GK: variants seen among roughly 807,000 people sequenced by gnomAD.
GK encodes glycerol kinase, also known as ATP:glycerol 3-phosphotransferase.
A neutral mutation model predicts 56.4 loss-of-function variants in GK; 9 were observed. The observed-to-expected ratio is 0.16, with a 90% CI of 0.10 to 0.28. The LOEUF (loss-of-function observed/expected upper bound fraction) is 0.28. GK is among the 10% of genes least tolerant of loss of function. The pLI, the probability that GK is intolerant of heterozygous loss-of-function variation, is 1.00. For synonymous variants in GK, 104 were observed against 144.1 expected (o/e 0.72, Z 1.99); for missense variants, 161 against 431.4 (o/e 0.37, Z 5.55).
intron 4 of GK, among the ~76,000 whole-genome samples, chrX:30,680,469 A>AG (rs1934221026): frequency 1.8e-5 from 2 of 112,165 alleles, no homozygotes; most frequent in Non-Finnish European, 3.8e-5. Flanking sequence ...AAAGCCATGC[A>AG]GTGTAGTGTA....
At chrX:30,696,560 A>G in intron 7 of GK, 57 bp from the exon 8 acceptor site, 2 of 815,132 alleles carry the variant, frequency 2.5e-6, no homozygotes, top group Non-Finnish European at 1.8e-6. Context: ...ATACATATAA[A>G]TGTTTCTAGA....
intron 4 of GK, among the ~76,000 whole-genome samples, chrX:30,688,103 G>A (rs899872761): frequency 8.9e-6 from 1 of 112,067 alleles, no homozygotes; most frequent in Non-Finnish European, 1.9e-5. Flanking sequence ...GGTAAAATGA[G>A]TTGCCTAAAT....
At chrX:30,699,175 TTATA>T (rs758881734) in intron 9 of GK, among the ~76,000 whole-genome samples, 5 of 100,702 alleles carry the variant, frequency 5.0e-5, no homozygotes, top group African/African-American at 1.8e-4. Context: ...TTCAGGGATT[TTATA>T]TATATATATA....
chrX:30,665,637 C>T (rs1933023968), intron 2 of GK, 53 bp downstream of exon 2: 4 of 726,511 alleles, frequency 5.5e-6, no homozygotes, highest in Non-Finnish European at 8.7e-6. Flanking sequence ...TAGTCCATCT[C>T]ACCCAACTTG....
chrX:30,664,620 T>C (rs762817505), intron 1 of GK, among the ~76,000 whole-genome samples: 19 of 110,078 alleles, frequency 1.7e-4, no homozygotes, highest in Non-Finnish European at 3.2e-4. Flanking sequence ...GTCAGCAATT[T>C]ATGACAAGCA....
chrX:30,715,436 C>T (rs1434796207), intron 13 of GK, among the ~76,000 whole-genome samples: 1 of 112,212 alleles, frequency 8.9e-6, no homozygotes, highest in Non-Finnish European at 1.9e-5. Context: ...CACCCTCTCA[C>T]TTTCATTGCA....
chrX:30,713,761 G>A (rs1936474236), intron 13 of GK, among the ~76,000 whole-genome samples: 1 of 111,975 alleles, frequency 8.9e-6, no homozygotes, highest in African/African-American at 3.2e-5. Context: ...GCCATTGAGT[G>A]GTTCTGCCTT....
chrX:30,675,279 T>G (rs1336111603), intron 3 of GK, among the ~76,000 whole-genome samples: 3 of 105,222 alleles, frequency 2.9e-5, no homozygotes, highest in African/African-American at 1.0e-4. Flanking sequence ...CACTGCAAGC[T>G]CCGCCTCCCA....
intron 4 of GK, chrX:30,687,697 C>G: frequency 3.0e-6 from 1 of 330,193 alleles, no homozygotes; most frequent in Non-Finnish European, 6.1e-6. Flanking sequence ...GCTGCCAGAT[C>G]TGGATCTGTC....
chrX:30,677,301 G>T, intron 3 of GK, 74 bp from the exon 4 acceptor site: 1 of 583,868 alleles, frequency 1.7e-6, no homozygotes, highest in South Asian at 2.2e-5. Context: ...CTAGTAAGAT[G>T]AGAGCTGTTT....
chrX:30,725,235 C>T (rs1301012591), intron 19 of GK, among the ~76,000 whole-genome samples: 1 of 111,752 alleles, frequency 8.9e-6, no homozygotes, highest in South Asian at 3.7e-4. Flanking sequence ...TACCTGCCTT[C>T]CAACCCCAAA....
chrX:30,668,383 G>A (rs182982040), intron 3 of GK, among the ~76,000 whole-genome samples: 178 of 112,341 alleles, frequency 1.6e-3, no homozygotes, highest in Non-Finnish European at 2.8e-3. Flanking sequence ...GGTATGGTGG[G>A]TTTTGCCTAG....
In GK at chrX:30,722,662, T is replaced by C. The variant is rs774523506; in HGVS notation, c.1502-1439T>C. ...CAGAGACTGTACTGATGTGGGGATA[T>C]AGAGATGAATAAGGCCTTATCTTCT... On this transcript the variant is annotated intron_variant, in intron 18 of 20. Transcript: ENST00000427190. 2.7e-5 allele frequency among the ~76,000 whole-genome samples: 3 copies of C among 112,305 alleles called. No homozygotes were observed. The Admixed American group carries it at 2.8e-4, about 11-fold the overall frequency.
Position 30,731,032 on chromosome X carries a change from C to G in GK, c.*2290C>G, listed in dbSNP as rs916358650. 2 of 112,272 alleles carry G rather than the reference C, an allele frequency of 1.8e-5. No individual in the cohort carries two copies. Among genetic ancestry groups the G allele is most frequent in the African/African-American group, 6.5e-5 (2 of 30,922 alleles). 9.3% of individuals were successfully genotyped at this position (112,272 alleles called of 1,213,427 possible). ...CTAACTTTGACCACCATTTTTCTCT[C>G]AACCTGATAGGCAACACCTCAATCC... On this transcript the variant is annotated 3_prime_UTR_variant, in exon 21 of 21. Coordinates refer to ENST00000427190, the MANE Select transcript of GK (RefSeq NM_001205019.2).
intron 1 of GK, among the ~76,000 whole-genome samples, chrX:30,659,507 C>T (rs1170416742): frequency 2.7e-5 from 3 of 111,957 alleles, no homozygotes; most frequent in African/African-American, 9.8e-5. Context: ...AGGAAGTTTA[C>T]ATTTCTGAAT....
At chrX:30,656,446 G>A (rs1011163041) in intron 1 of GK, among the ~76,000 whole-genome samples, 1 of 111,347 alleles carries the variant, frequency 9.0e-6, no homozygotes, top group African/African-American at 3.3e-5. Flanking sequence ...AGCAATATTA[G>A]CTTTCTCCCA....
chrX:30,696,703 AC>A lies in GK; in HGVS notation c.729+21del, dbSNP rs759391058. ...CTAATGGTAAAAAACAAACAAACAAACAAAAAACACACCAAAAAACCAAAAA... is the reference window on the plus strand; with the variant it reads ...CTAATGGTAAAAAACAAACAAACAAAAAAAAACACACCAAAAAACCAAAAA... On this transcript the variant is annotated intron_variant, in intron 8 of 20. Coordinates refer to ENST00000427190, the MANE Select transcript of GK (RefSeq NM_001205019.2). The A allele has an allele frequency of 3.2e-4, 351 of 1,108,228 alleles. No homozygotes were observed. Among genetic ancestry groups the A allele is most frequent in the Non-Finnish European group, 4.2e-4 (337 of 803,864 alleles). 91.3% of individuals were successfully genotyped at this position (1,108,228 alleles called of 1,213,427 possible).
intron 4 of GK, among the ~76,000 whole-genome samples, chrX:30,690,478 G>GTA (rs1400740097): frequency 3.6e-5 from 4 of 111,408 alleles, no homozygotes; most frequent in African/African-American, 9.8e-5. Context: ...TAGCTACTTA[G>GTA]TAAAGATAAT....
At chrX:30,719,373 A>G (rs936735489) in intron 14 of GK, 46 bp from the exon 15 acceptor site, 1 of 812,286 alleles carries the variant, frequency 1.2e-6, no homozygotes, top group Non-Finnish European at 1.9e-6. Context: ...ATATAATAAT[A>G]CACAATATTT....
Sources: allele counts gnomAD v4.1 joint callset (sites outside exome capture counted in the v4.1 genomes callset), GRCh38; gene constraint gnomAD v4.1.1; transcripts MANE v1.5; gene names NCBI Gene and HGNC (gene_info 2026-07-23, HGNC 2026-07-21).